The following NEGR1 variants were observed in gnomAD, a reference collection of about 807,000 sequenced individuals.
NEGR1 encodes IgLON family member 4.
In NEGR1, 10 loss-of-function variants were observed where a neutral mutation model predicts 40.9. That is an observed-to-expected ratio of 0.24 (90% CI 0.15 to 0.42). NEGR1 has a LOEUF of 0.42. Ranked by LOEUF, NEGR1 falls within the 10% of genes least tolerant of loss-of-function variation. NEGR1 has a pLI of 1.00. For missense variants in NEGR1, 352 were observed against 438.9 expected (o/e 0.80, Z 1.77); for synonymous variants, 185 against 166.8 (o/e 1.11, Z -0.84).
intron 1 of NEGR1, among the ~76,000 whole-genome samples, chr1:72,215,892 A>G (rs1165868906): frequency 6.6e-6 from 1 of 152,084 alleles, no homozygotes; most frequent in East Asian, 1.9e-4. Context: ...TCATTGTACT[A>G]TAAAGACCCA....
intron 1 of NEGR1, among the ~76,000 whole-genome samples, chr1:71,954,901 T>C (rs1036155231): frequency 1.3e-5 from 2 of 152,132 alleles, no homozygotes; most frequent in African/African-American, 4.8e-5. Flanking sequence ...TATGAAAATG[T>C]ATATGGTGAT....
At chr1:71,874,889 G>A (rs1257951177) in intron 2 of NEGR1, among the ~76,000 whole-genome samples, 1 of 151,896 alleles carries the variant, frequency 6.6e-6, no homozygotes, top group Non-Finnish European at 1.5e-5. Flanking sequence ...TATCACCCAG[G>A]CTGGAATGCA....
At chr1:71,729,695 T>G (rs1438473409) in intron 3 of NEGR1, among the ~76,000 whole-genome samples, 1 of 152,046 alleles carries the variant, frequency 6.6e-6, no homozygotes, top group Admixed American at 6.6e-5. Context: ...AGTGCAGTGG[T>G]GCAATCTTGG....
chr1:71,663,118 G>T (rs1004924871), intron 4 of NEGR1, among the ~76,000 whole-genome samples: 1 of 151,834 alleles, frequency 6.6e-6, no homozygotes, highest in East Asian at 1.9e-4. Context: ...CACCATGCCT[G>T]GCTAATTTTT....
At chr1:72,042,868 A>G (rs1646968371) in intron 1 of NEGR1, among the ~76,000 whole-genome samples, 1 of 152,046 alleles carries the variant, frequency 6.6e-6, no homozygotes, top group African/African-American at 2.4e-5. Flanking sequence ...TAAACTAGCT[A>G]TAACCCAATA....
chr1:71,778,363 A>G (rs1242990939), intron 2 of NEGR1, among the ~76,000 whole-genome samples: 1 of 152,130 alleles, frequency 6.6e-6, no homozygotes, highest in African/African-American at 2.4e-5. Flanking sequence ...TCTACATGAA[A>G]TATTCGACAT....
intron 1 of NEGR1, among the ~76,000 whole-genome samples, chr1:72,068,542 G>T (rs1647336292): frequency 1.3e-5 from 2 of 152,096 alleles, no homozygotes; most frequent in Non-Finnish European, 2.9e-5. Context: ...AGTTTGTTTA[G>T]GTAACATTAT....
chr1:72,069,157 C>T (rs936764327), intron 1 of NEGR1, among the ~76,000 whole-genome samples: 1 of 151,880 alleles, frequency 6.6e-6, no homozygotes, highest in Non-Finnish European at 1.5e-5. Flanking sequence ...TGTGTGTAAT[C>T]CCAGCACTTT....
At chr1:71,989,482 G>A (rs1318385765) in intron 1 of NEGR1, among the ~76,000 whole-genome samples, 2 of 152,104 alleles carry the variant, frequency 1.3e-5, no homozygotes, top group Admixed American at 6.5e-5. Flanking sequence ...TGCATTTTGT[G>A]TTGCCTAAGT....
rs115299240 is a variant in NEGR1, at chr1:72,162,564, T to C, written c.176+119755A>G. On this transcript the variant is annotated intron_variant, in intron 1 of 6. Transcript: ENST00000357731. ...TCAGAGTGACAGTCATCATTAAAAC[T>C]GCCATGCTTAGTAAAGCAGTGACAT... Among the ~76,000 whole-genome samples, 492 of 152,284 alleles carry C rather than the reference T, an allele frequency of 3.2e-3. 3 individuals carry two copies. Among genetic ancestry groups the C allele is most frequent in the African/African-American group, 0.011 (471 of 41,590 alleles).
intron 1 of NEGR1, among the ~76,000 whole-genome samples, chr1:72,080,217 TTAAA>T (rs1260710210): frequency 2.0e-5 from 3 of 152,138 alleles, no homozygotes; most frequent in Admixed American, 1.3e-4. Flanking sequence ...ATTTTGAAGT[TTAAA>T]TAAATATTTC....
At chr1:71,455,621 A>T (rs1646667322) in intron 6 of NEGR1, among the ~76,000 whole-genome samples, 1 of 152,114 alleles carries the variant, frequency 6.6e-6, no homozygotes. Context: ...GCTACTCAGG[A>T]GACTGAGGCA....
chr1:72,204,306 T>G (rs1054195125), intron 1 of NEGR1, among the ~76,000 whole-genome samples: 2 of 152,074 alleles, frequency 1.3e-5, no homozygotes, highest in African/African-American at 4.8e-5. Context: ...GAAAAAAATA[T>G]CCATTTCCTC....
chr1:72,253,925 A>G (rs1234967644), intron 1 of NEGR1, among the ~76,000 whole-genome samples: 1 of 152,222 alleles, frequency 6.6e-6, no homozygotes, highest in Non-Finnish European at 1.5e-5. Flanking sequence ...TTAATAAGTC[A>G]TATAATTTTT....
At chr1:71,987,010 T>G (rs1404726812) in intron 1 of NEGR1, among the ~76,000 whole-genome samples, 1 of 152,184 alleles carries the variant, frequency 6.6e-6, no homozygotes, top group Non-Finnish European at 1.5e-5. Context: ...AACTCAAAAA[T>G]TTGGTACTCT....
intron 3 of NEGR1, among the ~76,000 whole-genome samples, chr1:71,745,562 G>A (rs1237971445): frequency 6.6e-6 from 1 of 152,134 alleles, no homozygotes; most frequent in East Asian, 1.9e-4. Context: ...GAGACTGAGA[G>A]ACTGATTCAG....
Position 72,214,038 on chromosome 1 carries a change from G to A in NEGR1, c.176+68281C>T, listed in dbSNP as rs898163996. On this transcript the variant is annotated intron_variant, in intron 1 of 6. Transcript: ENST00000357731. ...CACCACAATCAAGTCAGCTTCATCCGTGGGAGGCAAGGCTGGTTCAACATA... is the reference window on the plus strand; with the variant it reads ...CACCACAATCAAGTCAGCTTCATCCATGGGAGGCAAGGCTGGTTCAACATA... Among the ~76,000 whole-genome samples, 28 of 152,058 alleles carry A rather than the reference G, an allele frequency of 1.8e-4. No homozygotes were observed. In the East Asian group the frequency reaches 4.8e-3, roughly 26 times the overall value.
At chr1:71,748,501 A>T (rs1267027329) in intron 3 of NEGR1, among the ~76,000 whole-genome samples, 1 of 152,176 alleles carries the variant, frequency 6.6e-6, no homozygotes, top group Non-Finnish European at 1.5e-5. Context: ...TAAAGGGAGA[A>T]TAGTGATGAC....
At chr1:72,151,899 T>C (rs1203864941) in intron 1 of NEGR1, among the ~76,000 whole-genome samples, 3 of 151,824 alleles carry the variant, frequency 2.0e-5, no homozygotes, top group African/African-American at 7.2e-5. Context: ...TACATAAAAT[T>C]AACAGAACAA....
Sources: gnomAD v4.1 joint callset for allele counts (sites outside exome capture counted in the v4.1 genomes callset) on GRCh38, gnomAD v4.1.1 for gene constraint, MANE v1.5 for transcripts, NCBI Gene and HGNC (gene_info 2026-07-23, HGNC 2026-07-21) for gene names.